DPYD: variants seen among roughly 807,000 people sequenced by gnomAD.
DPYD encodes the protein dihydropyrimidine dehydrogenase [NADP(+)].
Under a neutral mutation model 116.2 loss-of-function variants are expected in DPYD, and 109 were observed. The observed-to-expected ratio is 0.94, with a 90% confidence interval of 0.80 to 1.10. The LOEUF is 1.10. Among genes scored for constraint, DPYD ranks in the 50% least tolerant of loss-of-function variants. DPYD has a pLI of 0.00. For missense variants in DPYD, 1,302 were observed against 1,254.5 expected, an observed-to-expected ratio of 1.04 and a Z score of -0.57; for synonymous variants, 440 against 432.0, an observed-to-expected ratio of 1.02 and a Z score of -0.23.
chr1:97,675,307 G>A (rs943115801), intron 8 of DPYD, among the ~76,000 whole-genome samples: 2 of 152,146 alleles, frequency 1.3e-5, no homozygotes, highest in Non-Finnish European at 2.9e-5. Context: ...CAGGTGCTCT[G>A]ATTTCAGTAA....
intron 8 of DPYD, among the ~76,000 whole-genome samples, chr1:97,678,429 C>A (rs1557877814): frequency 6.6e-6 from 1 of 152,064 alleles, no homozygotes; most frequent in Non-Finnish European, 1.5e-5. Context: ...GCCCATAGTA[C>A]AAATCATATC....
In DPYD at chr1:97,511,785, A is replaced by G. The variant is rs560898339; in HGVS notation, c.1740+3941T>C. On this transcript the variant is annotated intron_variant, in intron 13 of 22. Transcript: ENST00000370192. The stretch of plus-strand genomic sequence containing the variant: ...CAGGACTACCAATACATGCAGTTAG[A>G]AGTTAGGCCAGCCGATTTTTACGTA... Among the ~76,000 whole-genome samples the G allele has an allele frequency of 6.0e-4, 91 of 152,040 alleles. 1 individual carries two copies. Among genetic ancestry groups the G allele is most frequent in the African/African-American group, 2.1e-3 (87 of 41,530 alleles).
At chr1:97,616,465 G>C (rs895979477) in intron 8 of DPYD, among the ~76,000 whole-genome samples, 4 of 152,010 alleles carry the variant, frequency 2.6e-5, no homozygotes, top group East Asian at 3.9e-4. Flanking sequence ...AGACAGATAG[G>C]ATTACATTAA....
At chr1:97,825,071 G>GT (rs1375554377) in intron 3 of DPYD, among the ~76,000 whole-genome samples, 1 of 152,000 alleles carries the variant, frequency 6.6e-6, no homozygotes, top group Non-Finnish European at 1.5e-5. Context: ...ATCAATTAAT[G>GT]TATTTATTTA....
chr1:97,848,863 T>G (rs1037064657), intron 2 of DPYD, among the ~76,000 whole-genome samples: 1 of 152,218 alleles, frequency 6.6e-6, no homozygotes, highest in Non-Finnish European at 1.5e-5. Flanking sequence ...GAGTCATATG[T>G]CTCCAAACAT....
chr1:97,891,627 C>T (rs1003548047), intron 1 of DPYD, among the ~76,000 whole-genome samples: 1 of 151,724 alleles, frequency 6.6e-6, no homozygotes, highest in African/African-American at 2.4e-5. Flanking sequence ...TTCTGTATTA[C>T]CATTGAGGGC....
chr1:97,279,394 T>C (rs1168353416), intron 18 of DPYD, among the ~76,000 whole-genome samples: 1 of 151,970 alleles, frequency 6.6e-6, no homozygotes, highest in Non-Finnish European at 1.5e-5. Context: ...GTGGGTGAAA[T>C]GTGAAGACTG....
Position 97,306,242 on chromosome 1 carries a change from G to C in DPYD, c.2114C>G (p.Pro705Arg). Residue 705 changes from proline (P) to arginine (R), a missense_variant, in exon 17 of 23, where the codon CCT becomes CGT. Pro to Arg is a moderately radical substitution (Grantham distance 103, BLOSUM62 -2). Coordinates refer to ENST00000370192, the MANE Select transcript of DPYD (RefSeq NM_000110.4). The stretch of plus-strand genomic sequence containing the variant: ...ATTTGGGGTCAGCTTGGCAAAAAAA[G>C]GAATCTGAACAGCTTGCCTAACCCA... ...CRWVRQAVQIPFFAKLTPNVT... is the reference protein window; with the variant it reads ...CRWVRQAVQIRFFAKLTPNVT... 4 of 1,612,490 alleles carry C rather than the reference G, an allele frequency of 2.5e-6. No individual in the cohort carries two copies. Among genetic ancestry groups the C allele is most frequent in the Non-Finnish European group, 3.4e-6 (4 of 1,178,914 alleles).
intron 4 of DPYD, among the ~76,000 whole-genome samples, chr1:97,722,614 T>C (rs1020943741): frequency 2.6e-5 from 4 of 151,610 alleles, no homozygotes; most frequent in Admixed American, 1.3e-4. Context: ...GCATTTATTT[T>C]TCCTTTGGCT....
chr1:97,733,492 T>C (rs1016798317), intron 4 of DPYD, among the ~76,000 whole-genome samples: 1 of 151,972 alleles, frequency 6.6e-6, no homozygotes, highest in Admixed American at 6.6e-5. Context: ...ATGCAATTTG[T>C]CCTCTTTCAC....
chr1:97,118,421 T>C (rs1652153500), intron 20 of DPYD, among the ~76,000 whole-genome samples: 1 of 152,226 alleles, frequency 6.6e-6, no homozygotes, highest in Non-Finnish European at 1.5e-5. Flanking sequence ...GCCAGAAACT[T>C]TTCCAACATA....
At chr1:97,536,792 A>G (rs1650033431) in intron 12 of DPYD, among the ~76,000 whole-genome samples, 1 of 152,204 alleles carries the variant, frequency 6.6e-6, no homozygotes, top group African/African-American at 2.4e-5. Flanking sequence ...TTCATCTAAC[A>G]GCTGGAAAGA....
At chr1:97,511,206 C>G (rs1003840441) in intron 13 of DPYD, among the ~76,000 whole-genome samples, 2 of 151,974 alleles carry the variant, frequency 1.3e-5, no homozygotes, top group African/African-American at 4.8e-5. Context: ...CTTTCTCAGA[C>G]TATTATTTCA....
intron 18 of DPYD, among the ~76,000 whole-genome samples, chr1:97,245,467 G>T (rs887135906): frequency 6.6e-6 from 1 of 152,066 alleles, no homozygotes; most frequent in African/African-American, 2.4e-5. Context: ...CCCCAGCCAA[G>T]AAATTATTCT....
chr1:97,917,786 A>C (rs1421680566), intron 1 of DPYD, among the ~76,000 whole-genome samples: 3 of 152,206 alleles, frequency 2.0e-5, no homozygotes, highest in African/African-American at 7.2e-5. Context: ...CTGCAGCTGC[A>C]TACATTTCGT....
At position 97,349,990 on chromosome 1, in the gene DPYD, G is replaced by A. The variant is rs185434216; in HGVS notation, c.2058+23571C>T. ...CAGATTCAAACAAGAGAAATGCTAT[G>A]TAAGCAAAAAGAGAAGAAATATGTA... On this transcript the variant is annotated intron_variant, in intron 16 of 22. Transcript: ENST00000370192. Among the ~76,000 whole-genome samples the A allele has an allele frequency of 3.4e-5, 5 of 147,874 alleles. No individual in the cohort carries two copies. In the East Asian group the frequency reaches 9.8e-4, roughly 29 times the overall value.
intron 3 of DPYD, among the ~76,000 whole-genome samples, chr1:97,743,334 G>A (rs976705848): frequency 1.3e-5 from 2 of 152,090 alleles, no homozygotes; most frequent in Admixed American, 6.6e-5. Flanking sequence ...GCGCTCTGCA[G>A]ACTAAAGTGC....
Position 97,832,045 on chromosome 1 carries a change from TTGTGTGTG to T in DPYD, c.151-3857_151-3850del, listed in dbSNP as rs35795641. On this transcript the variant is annotated intron_variant, in intron 2 of 22. Coordinates refer to ENST00000370192, the MANE Select transcript of DPYD (RefSeq NM_000110.4). Reference sequence around the variant, plus strand: ...CATTATAGCTTTAATATATAATGTATTGTGTGTGTGTGTGTGTGTGTGTGTGTGTGTGT... The same window carrying T: ...CATTATAGCTTTAATATATAATGTATTGTGTGTGTGTGTGTGTGTGTGTGT... Among the ~76,000 whole-genome samples the T allele has an allele frequency of 8.9e-3, 1,196 of 134,008 alleles. 16 individuals carry two copies. Among genetic ancestry groups the T allele is most frequent in the African/African-American group, 0.023 (832 of 36,246 alleles). The allele number at this position is 134,008 out of a possible 152,430, so 87.9% of individuals were successfully genotyped here.
chr1:97,720,340 G>A, intron 5 of DPYD: 1 of 985,462 alleles, frequency 1.0e-6, no homozygotes, highest in Non-Finnish European at 1.2e-6. Flanking sequence ...AAGAGGCAAT[G>A]GGTCCCCAAA....
Sources: allele counts gnomAD v4.1 joint callset (sites outside exome capture counted in the v4.1 genomes callset), GRCh38; gene constraint gnomAD v4.1.1; transcripts MANE v1.5; gene names NCBI Gene and HGNC (gene_info 2026-07-23, HGNC 2026-07-21).